ALDH2: variants seen among roughly 807,000 people sequenced by gnomAD.
The protein encoded by ALDH2 is aldehyde dehydrogenase, mitochondrial.
A neutral mutation model predicts 59.6 loss-of-function variants in ALDH2; 44 were observed. That is an observed-to-expected ratio of 0.74 (90% CI 0.58 to 0.95). ALDH2 has a LOEUF of 0.95. Among genes scored for constraint, ALDH2 ranks in the 40% least tolerant of loss-of-function variants. The pLI, the probability that ALDH2 is intolerant of heterozygous loss-of-function variation, is 0.00. For missense variants in ALDH2, 570 were observed against 696.3 expected, an observed-to-expected ratio of 0.82 and a Z score of 2.04; for synonymous variants, 291 against 284.0, an observed-to-expected ratio of 1.02 and a Z score of -0.25.
intron 3 of ALDH2, among the ~76,000 whole-genome samples, chr12:111,784,313 C>CA (rs554304287): frequency 1.5e-4 from 22 of 148,940 alleles, no homozygotes; most frequent in South Asian, 4.2e-4. Flanking sequence ...GATCCTGTCT[C>CA]AAAAAAAAAA....
rs146733747 is a variant in ALDH2 at position 111,810,558 on chromosome 12, A to T, written c.*983A>T. ...TGTGCTCTAGAGACAGAACCTAAAC[A>T]TGATGCCCAAGAGAGGGGAGAGATA... On this transcript the variant is annotated 3_prime_UTR_variant, in exon 13 of 13. Transcript: ENST00000261733. 6.6e-6 allele frequency: 1 copy of T among 151,826 alleles called. No homozygotes were observed. The highest frequency in any genetic ancestry group is 2.4e-5 in the African/African-American group (1 of 41,288). 9.4% of individuals were successfully genotyped at this position (151,826 alleles called of 1,614,324 possible). A position where few individuals can be genotyped will look rare whatever the true frequency, so the allele number is the denominator to read the frequency against.
At position 111,816,984 on chromosome 12, in the gene ALDH2, T is replaced by G. The variant is rs2068573338; in HGVS notation, c.*7409T>G. 2 of 152,210 alleles carry G rather than the reference T, an allele frequency of 1.3e-5. No homozygotes were observed. The highest frequency in any genetic ancestry group is 1.3e-4 in the Admixed American group (2 of 15,276). 9.4% of individuals were successfully genotyped at this position (152,210 alleles called of 1,614,324 possible). On this transcript the variant is annotated 3_prime_UTR_variant, in exon 13 of 13. Coordinates refer to ENST00000261733, the MANE Select transcript of ALDH2 (RefSeq NM_000690.4). ...ATATTCTAAGTTGGTTACACAAATA[T>G]GAGTGTGATTAAAATGATGGTGCAA... is the stretch of plus-strand genomic sequence containing the variant.
chr12:111,771,761 G>T (rs192312933), intron 1 of ALDH2, among the ~76,000 whole-genome samples: 2 of 152,284 alleles, frequency 1.3e-5, no homozygotes, highest in East Asian at 3.9e-4. Context: ...ACAGGATAAG[G>T]GTAGTGATGA....
chr12:111,768,026 G>A (rs544407080), intron 1 of ALDH2, among the ~76,000 whole-genome samples: 73 of 152,184 alleles, frequency 4.8e-4, no homozygotes, highest in Non-Finnish European at 9.6e-4. Flanking sequence ...TGTTCTAAGC[G>A]TCTACCTGTT....
rs2068545914 is a variant in ALDH2, at chr12:111,812,988, G to T, written c.*3413G>T. The T allele has an allele frequency of 6.6e-6, 1 of 152,232 alleles. No individual in the cohort carries two copies. Among genetic ancestry groups the T allele is most frequent in the Non-Finnish European group, 1.5e-5 (1 of 68,040 alleles). The allele number at this position is 152,232 out of a possible 1,614,324, so 9.4% of individuals were successfully genotyped here. A position where few individuals can be genotyped will look rare whatever the true frequency, so the allele number is the denominator to read the frequency against. Reference sequence around the variant, plus strand: ...GCTGTACTCACTGTAACTGTGAGAGGATCGGCTCTTTTAACCAACAGATAA... The same window carrying T: ...GCTGTACTCACTGTAACTGTGAGAGTATCGGCTCTTTTAACCAACAGATAA... On this transcript the variant is annotated 3_prime_UTR_variant, in exon 13 of 13. Coordinates refer to ENST00000261733, the MANE Select transcript of ALDH2 (RefSeq NM_000690.4).
At chr12:111,792,953 G>A (rs2068375049) in intron 9 of ALDH2, among the ~76,000 whole-genome samples, 171 bp downstream of exon 9, 1 of 151,998 alleles carries the variant, frequency 6.6e-6, no homozygotes. Context: ...TCCCCATCCC[G>A]AGCCGTGCCC....
intron 1 of ALDH2, among the ~76,000 whole-genome samples, chr12:111,772,964 A>G (rs2068212072): frequency 6.6e-6 from 1 of 150,942 alleles, no homozygotes; most frequent in South Asian, 2.1e-4. Flanking sequence ...ACAAAAAGAA[A>G]TAGATTTAGG....
chr12:111,798,319 G>A, intron 10 of ALDH2, 77 bp downstream of exon 10: 1 of 1,456,708 alleles, frequency 6.9e-7, no homozygotes, highest in Admixed American at 2.6e-5. Flanking sequence ...GCATCCTGAT[G>A]CTGTCACCCA....
At chr12:111,777,694 G>A (rs1187593583) in intron 1 of ALDH2, among the ~76,000 whole-genome samples, 2 of 152,092 alleles carry the variant, frequency 1.3e-5, no homozygotes, top group African/African-American at 4.8e-5. Context: ...TTTCAGAGTC[G>A]GGGAGTAAAC....
intron 8 of ALDH2, 64 bp from the exon 9 acceptor site, chr12:111,792,534 G>C: frequency 6.5e-7 from 1 of 1,536,980 alleles, no homozygotes; most frequent in Non-Finnish European, 8.7e-7. Context: ...TTGGGCAGGC[G>C]GCCACCAGGG....
At chr12:111,792,574 C>T in intron 8 of ALDH2, 24 bp from the exon 9 acceptor site, 1 of 1,602,444 alleles carries the variant, frequency 6.2e-7, no homozygotes, top group Non-Finnish European at 8.5e-7. Context: ...TGTCACCTTT[C>T]TGTCTCCTGC....
At position 111,792,151 on chromosome 12, in the gene ALDH2, T is replaced by G; in HGVS notation, c.886T>G (p.Ser296Ala). 6.2e-7 allele frequency: 1 copy of G among 1,604,078 alleles called. No homozygotes were observed. Among genetic ancestry groups the G allele is most frequent in the Non-Finnish European group, 8.5e-7 (1 of 1,177,410 alleles). The change falls in exon 8 of 13, where the codon TCA becomes GCA. Residue 296 changes from serine to alanine, a missense_variant. Ser to Ala is a moderately conservative substitution (Grantham distance 99, BLOSUM62 1). Coordinates refer to ENST00000261733, the MANE Select transcript of ALDH2 (RefSeq NM_000690.4). The part of the protein sequence containing the change: ...LGGKSPNIIM[S>A]DADMDWAVEQ... ...GGGGAAGAGCCCCAACATCATCATG[T>G]CAGATGCCGATAGTGAGTTTCCAGC...
rs1323526755 is a variant in ALDH2 at position 111,814,848 on chromosome 12, A to G, written c.*5273A>G. Reference sequence around the variant, plus strand: ...AGACTCTGTCTCAAAAAAAAAAAAAAAAAAGTAAATGCTATGTTATGTGAA... The same window carrying G: ...AGACTCTGTCTCAAAAAAAAAAAAAGAAAAGTAAATGCTATGTTATGTGAA... On this transcript the variant is annotated 3_prime_UTR_variant, in exon 13 of 13. Coordinates refer to ENST00000261733, the MANE Select transcript of ALDH2 (RefSeq NM_000690.4). 6.6e-6 allele frequency: 1 copy of G among 152,070 alleles called. No individual in the cohort carries two copies. Among genetic ancestry groups the G allele is most frequent in the Non-Finnish European group, 1.5e-5 (1 of 68,022 alleles). The allele number at this position is 152,070 out of a possible 1,614,324, so 9.4% of individuals were successfully genotyped here. A position where few individuals can be genotyped will look rare whatever the true frequency, so the allele number is the denominator to read the frequency against.
rs2068563039 is a variant in ALDH2 at position 111,815,328 on chromosome 12, A to C, written c.*5753A>C. The C allele has an allele frequency of 6.6e-6, 1 of 152,196 alleles. No individual in the cohort carries two copies. The highest frequency in any genetic ancestry group is 6.5e-5 in the Admixed American group (1 of 15,276). 9.4% of individuals were successfully genotyped at this position (152,196 alleles called of 1,614,324 possible). A position where few individuals can be genotyped will look rare whatever the true frequency, so the allele number is the denominator to read the frequency against. ...TAGGCTCAGGTGATTCTTCTGCCTC[A>C]GCCTCCCAAATAGCTGGTACTACAA... On this transcript the variant is annotated 3_prime_UTR_variant, in exon 13 of 13. Transcript: ENST00000261733.
At chr12:111,790,339 G>A in intron 5 of ALDH2, 95 bp from the exon 6 acceptor site, 1 of 1,527,748 alleles carries the variant, frequency 6.5e-7, no homozygotes, top group Non-Finnish European at 9.0e-7. Context: ...AGAGAACTCG[G>A]TGCTGCTTCT....
In ALDH2 at chr12:111,800,927, G is replaced by A. The variant is rs60039171; in HGVS notation, c.1406+864G>A. On this transcript the variant is annotated intron_variant, in intron 11 of 12. Coordinates refer to ENST00000261733, the MANE Select transcript of ALDH2 (RefSeq NM_000690.4). ...AAAGGTGAACACAACCCAAATGTCC[G>A]TCTGTAGATGAATGGATACAGAATG... 5.1e-3 allele frequency among the ~76,000 whole-genome samples: 783 copies of A among 152,240 alleles called. 8 individuals are homozygous for A. The highest frequency in any genetic ancestry group is 0.018 in the African/African-American group (758 of 41,534).
At chr12:111,791,449 C>T in intron 7 of ALDH2, 30 bp downstream of exon 7, 5 of 1,536,540 alleles carry the variant, frequency 3.3e-6, no homozygotes, top group Non-Finnish European at 4.5e-6. Flanking sequence ...AAGCTTGCAG[C>T]CTCCTTGGCC....
At position 111,809,958 on chromosome 12, in the gene ALDH2, C is replaced by G. The variant is rs1179805016; in HGVS notation, c.*383C>G. 3.7e-6 allele frequency: 1 copy of G among 272,740 alleles called. No individual in the cohort carries two copies. The highest frequency in any genetic ancestry group is 6.5e-5 in the East Asian group (1 of 15,500). The allele number at this position is 272,740 out of a possible 1,614,324, so 16.9% of individuals were successfully genotyped here. On this transcript the variant is annotated 3_prime_UTR_variant, in exon 13 of 13. Transcript: ENST00000261733. ...CTGCTTTGTATTCTGGGCTAAGATT[C>G]ATTAAAAACTAGCTGCTCTTAACTT...
At chr12:111,806,175 G>A (rs552982102) in intron 12 of ALDH2, among the ~76,000 whole-genome samples, 6 of 151,828 alleles carry the variant, frequency 4.0e-5, no homozygotes, top group Non-Finnish European at 7.4e-5. Context: ...AAATTAGCTA[G>A]GTGTGGTGGC....
Sources: allele counts gnomAD v4.1 joint callset (sites outside exome capture counted in the v4.1 genomes callset), GRCh38; gene constraint gnomAD v4.1.1; transcripts MANE v1.5; gene names NCBI Gene and HGNC (gene_info 2026-07-23, HGNC 2026-07-21).